FBXO5: variants seen among roughly 807,000 people sequenced by gnomAD.
FBXO5 encodes F-box only protein 5.
Under a neutral mutation model 43.3 loss-of-function variants are expected in FBXO5, and 8 were observed. That is an observed-to-expected ratio of 0.18 (90% CI 0.11 to 0.33). The LOEUF is 0.33. FBXO5 is among the 10% of genes least tolerant of loss of function. The pLI, the probability that FBXO5 is intolerant of heterozygous loss-of-function variation, is 1.00. For synonymous variants in FBXO5, 204 were observed against 193.7 expected, an observed-to-expected ratio of 1.05 and a Z score of -0.44; for missense variants, 491 against 535.7, an observed-to-expected ratio of 0.92 and a Z score of 0.82.
Position 152,971,091 on chromosome 6 carries a change from A to T in FBXO5, c.*72T>A. 2 of 1,438,448 alleles carry T rather than the reference A, an allele frequency of 1.4e-6. No individual in the cohort carries two copies. The highest frequency in any genetic ancestry group is 1.9e-6 in the Non-Finnish European group (2 of 1,076,088). The allele number at this position is 1,438,448 out of a possible 1,614,324, so 89.1% of individuals were successfully genotyped here. On this transcript the variant is annotated 3_prime_UTR_variant, in exon 5 of 5. Transcript: ENST00000229758. ...ACATAAAATTGAAAATCACAATACA[A>T]TTTTTTTTAAGTTAAAACCTAACAT...
In FBXO5 at chr6:152,975,281, G is replaced by A. The variant is rs1213622574; in HGVS notation, c.444C>T (p.Ser148=). 2 of 1,614,108 alleles carry A rather than the reference G, an allele frequency of 1.2e-6. No homozygotes were observed. The highest frequency in any genetic ancestry group is 3.3e-5 in the Admixed American group (2 of 60,012). ...TGAGGCCACTTTGTAGAGAAAATGA[G>A]GAATAGCCACTGTCTTCATAAAGTC... is the stretch of plus-strand genomic sequence containing the variant. ...TSRLYEDSGY[S]SFSLQSGLSE... is the part of the protein sequence containing the mutation. The change falls in exon 2 of 5, where the codon TCC becomes TCT. Residue 148 remains serine, a synonymous_variant. Coordinates refer to ENST00000229758, the MANE Select transcript of FBXO5 (RefSeq NM_012177.5).
chr6:152,982,118 G>C (rs118147292), intron 1 of FBXO5, among the ~76,000 whole-genome samples: 2,801 of 152,220 alleles, frequency 0.018, 37 homozygotes, highest in Non-Finnish European at 0.028. Context: ...CTGGGTTAAC[G>C]GGCAAAGGGA....
Position 152,971,223 on chromosome 6 carries a change from A to G in FBXO5, c.1284T>C (p.Ser428=), listed in dbSNP as rs1425283077. The change falls in exon 5 of 5, where the codon AGT becomes AGC. Residue 428 remains serine (S), a synonymous_variant. Coordinates refer to ENST00000229758, the MANE Select transcript of FBXO5 (RefSeq NM_012177.5). Reference sequence around the variant, plus strand: ...TACCAGGCAGGGGACCTATTTTACAACTGGCTTTGAGGAGCTTGCCATCTG... The same window carrying G: ...TACCAGGCAGGGGACCTATTTTACAGCTGGCTTTGAGGAGCTTGCCATCTG... ...DCSDGKLLKA[S]CKIGPLPGTK... 1.2e-6 allele frequency: 2 copies of G among 1,613,784 alleles called. No individual in the cohort carries two copies. The highest frequency in any genetic ancestry group is 4.5e-5 in the East Asian group (2 of 44,870).
At position 152,971,028 on chromosome 6, in the gene FBXO5, T is replaced by TG. The variant is rs201709047; in HGVS notation, c.*134dup. On this transcript the variant is annotated 3_prime_UTR_variant, in exon 5 of 5. Transcript: ENST00000229758. ...GAGGTTGTCTATCCTCTTTATCTTCTGGGGGGAAAAAAACCTCAGGATACT... is the reference window on the plus strand; with the variant it reads ...GAGGTTGTCTATCCTCTTTATCTTCTGGGGGGGAAAAAAACCTCAGGATACT... 1.0e-5 allele frequency: 8 copies of TG among 768,570 alleles called. No homozygotes were observed. The highest frequency in any genetic ancestry group is 1.8e-5 in the African/African-American group (1 of 56,270). 47.6% of individuals were successfully genotyped at this position (768,570 alleles called of 1,614,324 possible). A position where few individuals can be genotyped will look rare whatever the true frequency, so the allele number is the denominator to read the frequency against.
At chr6:152,973,331 C>A (rs906022676) in intron 2 of FBXO5, 195 bp from the exon 3 acceptor site, 1 of 530,712 alleles carries the variant, frequency 1.9e-6, no homozygotes, top group Non-Finnish European at 3.4e-6. Flanking sequence ...TTAAAAAGCT[C>A]CCTCCTCATT....
chr6:152,976,830 G>A (rs1344663650), intron 1 of FBXO5, among the ~76,000 whole-genome samples: 1 of 152,170 alleles, frequency 6.6e-6, no homozygotes, highest in Admixed American at 6.5e-5. Context: ...CCATCCCTGT[G>A]CTACAGACAT....
In FBXO5 at chr6:152,974,639, A is replaced by G. The variant is rs576465411; in HGVS notation, c.818+268T>C. Among the ~76,000 whole-genome samples the G allele has an allele frequency of 4.6e-5, 7 of 152,310 alleles. No individual in the cohort carries two copies. The South Asian group carries it at 1.4e-3, about 32-fold the overall frequency. Reference sequence around the variant, plus strand: ...AGCATCTCTAATCCAAAAATCTGAAAACTTTTGAATGCTGACATGATGCTC... The same window carrying G: ...AGCATCTCTAATCCAAAAATCTGAAGACTTTTGAATGCTGACATGATGCTC... On this transcript the variant is annotated intron_variant, in intron 2 of 4. Coordinates refer to ENST00000229758, the MANE Select transcript of FBXO5 (RefSeq NM_012177.5).
rs1166024896 is a variant in FBXO5, at chr6:152,975,386, C to T, written c.339G>A (p.Lys113=). 1 of 1,613,832 alleles carries T rather than the reference C, an allele frequency of 6.2e-7. No homozygotes were observed. Among genetic ancestry groups the T allele is most frequent in the African/African-American group, 1.3e-5 (1 of 74,996 alleles). The part of the protein sequence containing the change: ...PRIVQLETES[K]RLHNKENQHV... ...GTTGATTTTCCTTGTTATGCAAGCG[C>T]TTGCTTTCAGTTTCAAGTTGTACAA... Residue 113 remains lysine, a synonymous_variant, in exon 2 of 5, where the codon AAG becomes AAA. Transcript: ENST00000229758.
rs773815642 is a variant in FBXO5 at position 152,975,640 on chromosome 6, A to C, written c.104-19T>G. The C allele has an allele frequency of 3.4e-5, 51 of 1,509,802 alleles. No individual in the cohort carries two copies. Among genetic ancestry groups the C allele is most frequent in the Non-Finnish European group, 4.5e-5 (51 of 1,127,542 alleles). 93.5% of individuals were successfully genotyped at this position (1,509,802 alleles called of 1,614,324 possible). A position where few individuals can be genotyped will look rare whatever the true frequency, so the allele number is the denominator to read the frequency against. ...TTACAACCTATAAAAAGAACATAACATTTACATCTTAATGGCAAAATTTCC... is the reference window on the plus strand; with the variant it reads ...TTACAACCTATAAAAAGAACATAACCTTTACATCTTAATGGCAAAATTTCC... On this transcript the variant is annotated intron_variant, in intron 1 of 4. Coordinates refer to ENST00000229758, the MANE Select transcript of FBXO5 (RefSeq NM_012177.5).
At position 152,971,454 on chromosome 6, in the gene FBXO5, G is replaced by T. The variant is rs185684564; in HGVS notation, c.1093-40C>A. ...AAAACCCATTAACAAATTTCAGCAAGAATTACATGTACTTTAGTTAATAAA... is the reference window on the plus strand; with the variant it reads ...AAAACCCATTAACAAATTTCAGCAATAATTACATGTACTTTAGTTAATAAA... On this transcript the variant is annotated intron_variant, in intron 4 of 4. Transcript: ENST00000229758. The T allele has an allele frequency of 1.9e-6, 3 of 1,559,978 alleles. No homozygotes were observed. In the East Asian group the frequency reaches 6.7e-5, roughly 35 times the overall value.
intron 2 of FBXO5, among the ~76,000 whole-genome samples, chr6:152,974,295 G>T (rs1290736350): frequency 1.3e-5 from 2 of 151,970 alleles, no homozygotes; most frequent in Non-Finnish European, 2.9e-5. Context: ...ACCAAAAATG[G>T]CTTAGAAAGA....
chr6:152,978,896 C>T (rs192586562), intron 1 of FBXO5, among the ~76,000 whole-genome samples: 9 of 151,338 alleles, frequency 5.9e-5, no homozygotes, highest in African/African-American at 1.5e-4. Context: ...GAGGCTGAGG[C>T]GGGAGAATTG....
In FBXO5 at chr6:152,971,053, T is replaced by TA. The variant is rs1778078095; in HGVS notation, c.*109dup. 1 of 1,139,852 alleles carries TA rather than the reference T, an allele frequency of 8.8e-7. No homozygotes were observed. Among genetic ancestry groups the TA allele is most frequent in the Non-Finnish European group, 1.2e-6 (1 of 825,746 alleles). The allele number at this position is 1,139,852 out of a possible 1,614,324, so 70.6% of individuals were successfully genotyped here. A position where few individuals can be genotyped will look rare whatever the true frequency, so the allele number is the denominator to read the frequency against. ...TGGGGGGAAAAAAACCTCAGGATAC[T>TA]ACACCGATTTCAACATAAAATTGAA... is the stretch of plus-strand genomic sequence containing the variant. On this transcript the variant is annotated 3_prime_UTR_variant, in exon 5 of 5. Coordinates refer to ENST00000229758, the MANE Select transcript of FBXO5 (RefSeq NM_012177.5).
chr6:152,977,968 C>G (rs979968155), intron 1 of FBXO5, among the ~76,000 whole-genome samples: 2 of 152,130 alleles, frequency 1.3e-5, no homozygotes, highest in African/African-American at 4.8e-5. Context: ...TTTGCAATTT[C>G]CAATGCTTAC....
At chr6:152,972,772 C>A in intron 3 of FBXO5, 1 of 492,700 alleles carries the variant, frequency 2.0e-6, no homozygotes, top group South Asian at 3.1e-5. Context: ...ATACACACAA[C>A]TGGCAACTAA....
intron 2 of FBXO5, among the ~76,000 whole-genome samples, chr6:152,974,551 G>A (rs1778134547): frequency 6.6e-6 from 1 of 152,168 alleles, no homozygotes; most frequent in South Asian, 2.1e-4. Flanking sequence ...CACATAGGTA[G>A]CAAAACACCA....
chr6:152,979,425 A>AG (rs1205061651), intron 1 of FBXO5, among the ~76,000 whole-genome samples: 1 of 152,196 alleles, frequency 6.6e-6, no homozygotes, highest in Non-Finnish European at 1.5e-5. Context: ...ACCAGAGGTA[A>AG]GGTGCTATGA....
intron 1 of FBXO5, among the ~76,000 whole-genome samples, chr6:152,976,793 T>C (rs1353380209): frequency 6.6e-6 from 1 of 152,178 alleles, no homozygotes; most frequent in Non-Finnish European, 1.5e-5. Flanking sequence ...AGGCAGCATC[T>C]TAAGATAGCT....
chr6:152,971,512 T>C, intron 4 of FBXO5, 98 bp from the exon 5 acceptor site: 1 of 1,222,074 alleles, frequency 8.2e-7, no homozygotes, highest in Non-Finnish European at 1.1e-6. Flanking sequence ...CCCCAATTCA[T>C]GTATGAAATA....
Sources: allele counts gnomAD v4.1 joint callset (sites outside exome capture counted in the v4.1 genomes callset), GRCh38; gene constraint gnomAD v4.1.1; transcripts MANE v1.5; gene names NCBI Gene and HGNC (gene_info 2026-07-23, HGNC 2026-07-21).